Variants in HTR2A observed in about 807,000 individuals in gnomAD.
HTR2A encodes the protein 5-HT2 receptor.
Under a neutral mutation model 31.0 loss-of-function variants are expected in HTR2A, and 14 were observed. The ratio of observed to expected loss-of-function variants is 0.45; its 90% CI spans 0.30 to 0.71. The LOEUF is 0.71. Among genes scored for constraint, HTR2A ranks in the 30% least tolerant of loss-of-function variants. The pLI is 0.09. For missense variants in HTR2A, 442 were observed against 573.3 expected (o/e 0.77, Z 2.34); for synonymous variants, 209 against 225.2 (o/e 0.93, Z 0.64).
Position 46,896,708 on chromosome 13 carries a change from G to C in HTR2A, c.-363C>G, listed in dbSNP as rs1951108016. 1.3e-6 allele frequency: 2 copies of C among 1,535,238 alleles called. No individual in the cohort carries two copies. The highest frequency in any genetic ancestry group is 2.7e-5 in the African/African-American group (2 of 73,008). ...CAGGGTCCACACATGAGATACATTTGTTATTCTGTGACTCGCTGCATCTCT... is the reference window on the plus strand; with the variant it reads ...CAGGGTCCACACATGAGATACATTTCTTATTCTGTGACTCGCTGCATCTCT... On this transcript the variant is annotated 5_prime_UTR_variant, in exon 1 of 4. Coordinates refer to ENST00000542664, the MANE Select transcript of HTR2A (RefSeq NM_000621.5).
intron 3 of HTR2A, among the ~76,000 whole-genome samples, chr13:46,888,467 G>T (rs1386460260): frequency 5.2e-5 from 4 of 76,328 alleles, no homozygotes; most frequent in Non-Finnish European, 1.1e-4. Context: ...CCTATGAAGT[G>T]CTGAAAAAAA....
chr13:46,855,888 T>C (rs1950732802), intron 3 of HTR2A, among the ~76,000 whole-genome samples: 2 of 151,906 alleles, frequency 1.3e-5, no homozygotes, highest in South Asian at 2.1e-4. Flanking sequence ...GTGCCAAAGG[T>C]CTGAAACAGC....
intron 3 of HTR2A, among the ~76,000 whole-genome samples, chr13:46,855,522 G>A (rs942579895): frequency 6.6e-6 from 1 of 151,902 alleles, no homozygotes; most frequent in Non-Finnish European, 1.5e-5. Flanking sequence ...AACTGGGGGG[G>A]TACACAGGCT....
chr13:46,853,417 TC>T (rs1417914278), intron 3 of HTR2A, among the ~76,000 whole-genome samples: 7 of 152,042 alleles, frequency 4.6e-5, no homozygotes, highest in African/African-American at 1.7e-4. Context: ...GTTGCTCTCT[TC>T]CCTTGCTGTG....
chr13:46,889,588 T>G (rs1050629612), intron 3 of HTR2A, among the ~76,000 whole-genome samples: 2 of 152,188 alleles, frequency 1.3e-5, no homozygotes, highest in African/African-American at 4.8e-5. Flanking sequence ...CAGTATTACA[T>G]TTAGAAATTT....
intron 3 of HTR2A, among the ~76,000 whole-genome samples, chr13:46,846,379 A>G (rs1950643076): frequency 6.6e-6 from 1 of 152,238 alleles, no homozygotes; most frequent in South Asian, 2.1e-4. Flanking sequence ...TCTTCATTAA[A>G]AATCTCTGCT....
intron 3 of HTR2A, among the ~76,000 whole-genome samples, chr13:46,880,305 G>A (rs1002513): frequency 0.18 from 26,828 of 152,018 alleles, 2,662 homozygotes; most frequent in Non-Finnish European, 0.21. Context: ...CTATCTCTTA[G>A]CCCAGAAAAG....
rs1475196 is a variant in HTR2A, at chr13:46,881,488, A to C, written c.613+10902T>G. Among the ~76,000 whole-genome samples the C allele has an allele frequency of 1.9e-3, 292 of 152,340 alleles. 8 individuals carry two copies. In the East Asian group the frequency reaches 0.045, roughly 23 times the overall value. On this transcript the variant is annotated intron_variant, in intron 3 of 3. Coordinates refer to ENST00000542664, the MANE Select transcript of HTR2A (RefSeq NM_000621.5). ...GGGAAATGAAGTATGGCAGGAACAA[A>C]AATAAAGATACAACAAATGGAGGCA...
At chr13:46,836,013 G>A (rs1381867077) in intron 3 of HTR2A, among the ~76,000 whole-genome samples, 8 of 151,756 alleles carry the variant, frequency 5.3e-5, no homozygotes, top group Admixed American at 4.6e-4. Context: ...ATTAACAACT[G>A]ATGCTGTTCA....
In HTR2A at chr13:46,889,095, A is replaced by G. The variant is rs184536103; in HGVS notation, c.613+3295T>C. ...AAGATGGGGTTAAAAACAAAACTTT[A>G]TATGCTGCTTACAGGCTAACACTTT... On this transcript the variant is annotated intron_variant, in intron 3 of 3. Transcript: ENST00000542664. Among the ~76,000 whole-genome samples the G allele has an allele frequency of 2.6e-3, 392 of 152,350 alleles. 2 individuals carry two copies. Among genetic ancestry groups the G allele is most frequent in the African/African-American group, 9.1e-3 (377 of 41,592 alleles).
At chr13:46,894,033 G>C (rs773892237) in intron 2 of HTR2A, among the ~76,000 whole-genome samples, 28 of 152,240 alleles carry the variant, frequency 1.8e-4, no homozygotes, top group Admixed American at 3.3e-4. Flanking sequence ...CTGTCTGTTC[G>C]GAACAGATGT....
chr13:46,868,771 C>T (rs761472624), intron 3 of HTR2A, among the ~76,000 whole-genome samples: 1 of 152,068 alleles, frequency 6.6e-6, no homozygotes, highest in Non-Finnish European at 1.5e-5. Context: ...CTATATTCAC[C>T]AGCTGCTTAT....
chr13:46,865,391 A>G (rs1327451695), intron 3 of HTR2A, among the ~76,000 whole-genome samples: 1 of 151,696 alleles, frequency 6.6e-6, no homozygotes, highest in Non-Finnish European at 1.5e-5. Flanking sequence ...TTACATGCCT[A>G]GAAAGGCAGG....
In HTR2A at chr13:46,891,554, G is replaced by A. The variant is rs144488848; in HGVS notation, c.613+836C>T. Among the ~76,000 whole-genome samples the A allele has an allele frequency of 6.6e-5, 10 of 152,302 alleles. No homozygotes were observed. The East Asian group carries it at 1.7e-3, about 26-fold the overall frequency. ...CTCACTCAAGCCCTTGATTTCAAGC[G>A]GTGGAATCTCATAGTCTCTCATATT... is the stretch of plus-strand genomic sequence containing the variant. On this transcript the variant is annotated intron_variant, in intron 3 of 3. Coordinates refer to ENST00000542664, the MANE Select transcript of HTR2A (RefSeq NM_000621.5).
intron 3 of HTR2A, among the ~76,000 whole-genome samples, chr13:46,891,538 G>T (rs1271853574): frequency 6.6e-6 from 1 of 152,206 alleles, no homozygotes; most frequent in African/African-American, 2.4e-5. Flanking sequence ...GCTCACTCAA[G>T]CCCTTGATTT....
intron 3 of HTR2A, among the ~76,000 whole-genome samples, chr13:46,855,809 T>C (rs1950731643): frequency 6.6e-6 from 1 of 152,234 alleles, no homozygotes; most frequent in Non-Finnish European, 1.5e-5. Flanking sequence ...TAGTAGGGCA[T>C]ATAAAGTTAT....
chr13:46,878,078 C>A (rs571235243), intron 3 of HTR2A, among the ~76,000 whole-genome samples: 1 of 152,252 alleles, frequency 6.6e-6, no homozygotes, highest in African/African-American at 2.4e-5. Context: ...AAGAGAGACA[C>A]TCAAGAGTTT....
chr13:46,886,521 A>G (rs1951007623), intron 3 of HTR2A, among the ~76,000 whole-genome samples: 1 of 152,246 alleles, frequency 6.6e-6, no homozygotes. Flanking sequence ...CACATAAAGC[A>G]AAGCTACAAA....
At chr13:46,892,891 A>T (rs1406324033) in intron 2 of HTR2A, among the ~76,000 whole-genome samples, 2 of 152,080 alleles carry the variant, frequency 1.3e-5, no homozygotes, top group Non-Finnish European at 2.9e-5. Context: ...GCCTGGCAAA[A>T]CATTTCTTTT....
Sources: allele counts gnomAD v4.1 joint callset (sites outside exome capture counted in the v4.1 genomes callset), GRCh38; gene constraint gnomAD v4.1.1; transcripts MANE v1.5; gene names NCBI Gene and HGNC (gene_info 2026-07-23, HGNC 2026-07-21).